Variants in ELAVL4 observed in about 807,000 individuals in gnomAD.
The protein encoded by ELAVL4 is ELAV like RNA binding protein 4, also known as ELAV-like protein 4.
In ELAVL4, 1 loss-of-function variant was observed where a neutral mutation model predicts 35.6. That is an observed-to-expected ratio of 0.03 (90% confidence interval 0.01 to 0.13). The LOEUF is 0.13. Among genes scored for constraint, ELAVL4 ranks in the 10% least tolerant of loss-of-function variants. The pLI is 1.00. For synonymous variants in ELAVL4, 156 were observed against 171.0 expected (o/e 0.91, Z 0.69); for missense variants, 267 against 464.9 (o/e 0.57, Z 3.91).
chr1:50,198,236 AG>A (rs1401809942), intron 6 of ELAVL4, among the ~76,000 whole-genome samples: 1 of 152,226 alleles, frequency 6.6e-6, no homozygotes, highest in African/African-American at 2.4e-5. Context: ...TTCCAGACCC[AG>A]TATGAAATCT....
intron 1 of ELAVL4, among the ~76,000 whole-genome samples, chr1:50,131,312 T>G (rs1479199348): frequency 6.6e-6 from 1 of 152,170 alleles, no homozygotes; most frequent in Non-Finnish European, 1.5e-5. Context: ...GTTTTATTTT[T>G]GATTTTTAAA....
chr1:50,174,857 C>T (rs1679709174), intron 2 of ELAVL4: 1 of 152,144 alleles, frequency 6.6e-6, no homozygotes, highest in Non-Finnish European at 1.5e-5. Flanking sequence ...GCATGTACCA[C>T]TCGTAAGCAT....
At chr1:50,084,523 G>C (rs1025997995) in intron 1 of ELAVL4, among the ~76,000 whole-genome samples, 1 of 151,932 alleles carries the variant, frequency 6.6e-6, no homozygotes, top group South Asian at 2.1e-4. Flanking sequence ...TCACATAATG[G>C]TATAAGCATT....
chr1:50,151,942 C>T (rs1674863948), intron 2 of ELAVL4, among the ~76,000 whole-genome samples: 1 of 152,084 alleles, frequency 6.6e-6, no homozygotes, highest in East Asian at 1.9e-4. Context: ...TTAAGGGGAA[C>T]TTGAAGAACG....
intron 6 of ELAVL4, among the ~76,000 whole-genome samples, chr1:50,199,246 A>G (rs1437013447): frequency 1.3e-5 from 2 of 152,228 alleles, no homozygotes; most frequent in Non-Finnish European, 2.9e-5. Flanking sequence ...TAGATACAGA[A>G]CTATTCTTTA....
At chr1:50,169,108 T>C (rs1047836595) in intron 2 of ELAVL4, among the ~76,000 whole-genome samples, 2 of 152,044 alleles carry the variant, frequency 1.3e-5, no homozygotes, top group Admixed American at 6.6e-5. Context: ...ACTGAAGAAC[T>C]TGGAGTCCGA....
chr1:50,199,579 G>T (rs1455346010), intron 6 of ELAVL4, among the ~76,000 whole-genome samples: 2 of 152,044 alleles, frequency 1.3e-5, no homozygotes, highest in African/African-American at 4.8e-5. Context: ...ATGGTGGTGC[G>T]TGCCTGTAGT....
At position 50,113,118 on chromosome 1, in the gene ELAVL4, A is replaced by G. The variant is rs187749841; in HGVS notation, c.9+3920A>G. On this transcript the variant is annotated intron_variant, in intron 1 of 6. Coordinates refer to ENST00000371824, the MANE Select transcript of ELAVL4 (RefSeq NM_001144774.3). ...AATTATTGTTTGAATGGTGCTTTGTATGTGTGTGTTCAATATCTCTAAAAG... is the reference window on the plus strand; with the variant it reads ...AATTATTGTTTGAATGGTGCTTTGTGTGTGTGTGTTCAATATCTCTAAAAG... 1.4e-4 allele frequency among the ~76,000 whole-genome samples: 22 copies of G among 152,156 alleles called. No homozygotes were observed. The East Asian group carries it at 3.9e-3, about 27-fold the overall frequency.
At chr1:50,191,755 A>G (rs1682695779) in intron 3 of ELAVL4, among the ~76,000 whole-genome samples, 1 of 152,144 alleles carries the variant, frequency 6.6e-6, no homozygotes, top group South Asian at 2.1e-4. Context: ...CCTGAAGAGG[A>G]GTAGGATTTG....
intron 3 of ELAVL4, among the ~76,000 whole-genome samples, chr1:50,191,139 G>A (rs1040470948): frequency 1.3e-5 from 2 of 152,170 alleles, no homozygotes; most frequent in African/African-American, 4.8e-5. Flanking sequence ...CCTCTTATGT[G>A]TTGTCTGTTG....
At chr1:50,096,067 T>C (rs1210015153) in intron 1 of ELAVL4, among the ~76,000 whole-genome samples, 1 of 152,170 alleles carries the variant, frequency 6.6e-6, no homozygotes, top group Non-Finnish European at 1.5e-5. Flanking sequence ...TCATCTACTC[T>C]TCATGTATTT....
intron 1 of ELAVL4, among the ~76,000 whole-genome samples, chr1:50,143,882 C>CTTT (rs2148685232): frequency 6.6e-6 from 1 of 152,238 alleles, no homozygotes; most frequent in Non-Finnish European, 1.5e-5. Context: ...ATTTTGTTCC[C>CTTT]TTATGTGCCT....
intron 1 of ELAVL4, among the ~76,000 whole-genome samples, chr1:50,114,642 G>A (rs1331009748): frequency 6.6e-6 from 1 of 152,098 alleles, no homozygotes; most frequent in Non-Finnish European, 1.5e-5. Context: ...AACTGGTGCA[G>A]TGCAAGATGC....
At chr1:50,048,654 G>C (rs993719775) in intron 1 of ELAVL4, among the ~76,000 whole-genome samples, 1 of 152,208 alleles carries the variant, frequency 6.6e-6, no homozygotes, top group Non-Finnish European at 1.5e-5. Context: ...GCGCGGACTT[G>C]GATCCTCAGG....
At chr1:50,124,070 C>G (rs2480691) in intron 1 of ELAVL4, among the ~76,000 whole-genome samples, 17,297 of 152,116 alleles carry the variant, frequency 0.11, 1,422 homozygotes, top group East Asian at 0.4. Context: ...ATAATGTGTT[C>G]CCATCAGGTG....
At chr1:50,133,607 G>GAAAGAAAGAAAGA (rs1285665995) in intron 1 of ELAVL4, among the ~76,000 whole-genome samples, 2 of 115,496 alleles carry the variant, frequency 1.7e-5, no homozygotes, top group Admixed American at 8.8e-5. Context: ...AGAAAAGAAA[G>GAAAGAAAGAAAGA]AAAGAAAGAA....
chr1:50,106,537 G>A (rs1413751965), upstream of ELAVL4: 7 of 632,388 alleles, frequency 1.1e-5, no homozygotes, highest in African/African-American at 5.5e-5. Context: ...TGGGAGACTC[G>A]CCTGCCTGAT....
At chr1:50,094,384 T>C (rs1258402892) in intron 1 of ELAVL4, among the ~76,000 whole-genome samples, 1 of 152,214 alleles carries the variant, frequency 6.6e-6, no homozygotes, top group Non-Finnish European at 1.5e-5. Flanking sequence ...TGTTGATTGC[T>C]ATTAATCAAG....
chr1:50,066,581 G>T (rs116534930), intron 1 of ELAVL4, among the ~76,000 whole-genome samples: 92 of 152,182 alleles, frequency 6.0e-4, no homozygotes, highest in South Asian at 5.2e-3. Flanking sequence ...TGCATAACCA[G>T]ACATCTTATT....
Sources: allele counts gnomAD v4.1 joint callset (sites outside exome capture counted in the v4.1 genomes callset), GRCh38; gene constraint gnomAD v4.1.1; transcripts MANE v1.5; gene names NCBI Gene and HGNC (gene_info 2026-07-23, HGNC 2026-07-21).